The following ARHGAP6 variants were observed in gnomAD, a reference collection of about 807,000 sequenced individuals.
ARHGAP6 encodes the protein rho GTPase-activating protein 6.
In ARHGAP6, 16 loss-of-function variants were observed where a neutral mutation model predicts 55.7. The ratio of observed to expected loss-of-function variants is 0.29; its 90% CI spans 0.19 to 0.44. The LOEUF is 0.44. Among genes scored for constraint, ARHGAP6 ranks in the 20% least tolerant of loss-of-function variants. The probability of loss-of-function intolerance (pLI) is 1.00; values close to 1 mark genes in which losing one functional copy is unlikely to be tolerated. For missense variants in ARHGAP6, 698 were observed against 808.9 expected (o/e 0.86, Z 1.66); for synonymous variants, 382 against 360.9 (o/e 1.06, Z -0.66).
chrX:11,196,178 A>AACAAAACAAC (rs1396523247), intron 3 of ARHGAP6, among the ~76,000 whole-genome samples: 3 of 109,262 alleles, frequency 2.7e-5, no homozygotes, highest in Non-Finnish European at 3.8e-5. Context: ...AACAAAACAA[A>AACAAAACAAC]AAAACTAATA....
At chrX:11,469,558 C>T (rs1013936006) in intron 1 of ARHGAP6, among the ~76,000 whole-genome samples, 10 of 111,413 alleles carry the variant, frequency 9.0e-5, no homozygotes, top group Admixed American at 8.6e-4. Context: ...CAACTCTAAT[C>T]CACTAAAATA....
intron 1 of ARHGAP6, among the ~76,000 whole-genome samples, chrX:11,472,210 C>G (rs1360915071): frequency 9.0e-6 from 1 of 111,538 alleles, no homozygotes; most frequent in Non-Finnish European, 1.9e-5. Context: ...TCTCCACCCA[C>G]TAGATGCCGG....
At position 11,483,644 on chromosome X, in the gene ARHGAP6, G is replaced by GT. The variant is rs72479996; in HGVS notation, c.588+180596dup. ...TTCTAGCTCTGTGAGATAATCAAATGTTTTTTTTTTTTCTTTTCTTTTCAC... is the reference window on the plus strand; with the variant it reads ...TTCTAGCTCTGTGAGATAATCAAATGTTTTTTTTTTTTTCTTTTCTTTTCAC... On this transcript the variant is annotated intron_variant, in intron 1 of 12. Transcript: ENST00000337414. Among the ~76,000 whole-genome samples, 923 of 102,451 alleles carry GT rather than the reference G, an allele frequency of 9.0e-3. 2 individuals carry two copies. The highest frequency in any genetic ancestry group is 0.013 in the Non-Finnish European group (639 of 49,641). The allele number at this position is 102,451 out of a possible 115,157, so 89.0% of individuals were successfully genotyped here.
At chrX:11,269,627 A>G (rs1602992042) in intron 1 of ARHGAP6, among the ~76,000 whole-genome samples, 2 of 111,162 alleles carry the variant, frequency 1.8e-5, no homozygotes, top group African/African-American at 6.5e-5. Context: ...TTAAGACTAT[A>G]TATAAAAATG....
At chrX:11,608,740 T>A (rs2052065683) in intron 1 of ARHGAP6, among the ~76,000 whole-genome samples, 1 of 111,864 alleles carries the variant, frequency 8.9e-6, no homozygotes, top group Admixed American at 9.4e-5. Context: ...TCACAAGATC[T>A]GATGGTTTTA....
intron 1 of ARHGAP6, among the ~76,000 whole-genome samples, chrX:11,460,654 A>G (rs945174641): frequency 2.7e-5 from 3 of 112,102 alleles, no homozygotes; most frequent in African/African-American, 9.7e-5. Flanking sequence ...TAGCTTCCTC[A>G]GGCTGGAATT....
At chrX:11,249,403 T>C (rs2147475478) in intron 2 of ARHGAP6, among the ~76,000 whole-genome samples, 1 of 111,790 alleles carries the variant, frequency 8.9e-6, no homozygotes, top group African/African-American at 3.2e-5. Context: ...ATACCACCTG[T>C]TCCTAAAAAA....
chrX:11,515,776 T>C (rs1292154717), intron 1 of ARHGAP6, among the ~76,000 whole-genome samples: 2 of 112,304 alleles, frequency 1.8e-5, no homozygotes, highest in Non-Finnish European at 3.8e-5. Context: ...AGTAAACAAT[T>C]TGCACAAAAC....
rs530403919 is a variant in ARHGAP6 at position 11,188,025 on chromosome X, C to A, written c.1077+703G>T. On this transcript the variant is annotated intron_variant, in intron 4 of 12. Coordinates refer to ENST00000337414, the MANE Select transcript of ARHGAP6 (RefSeq NM_013427.3). Reference sequence around the variant, plus strand: ...CCAGCCTGGGCAACAGAGCAAGACCCTGAGTCAAAAAATAAAAGATAAAAA... The same window carrying A: ...CCAGCCTGGGCAACAGAGCAAGACCATGAGTCAAAAAATAAAAGATAAAAA... Among the ~76,000 whole-genome samples the A allele has an allele frequency of 2.7e-4, 30 of 111,075 alleles. 1 individual carries two copies. Among genetic ancestry groups the A allele is most frequent in the African/African-American group, 7.5e-4 (23 of 30,582 alleles).
At chrX:11,366,267 A>T (rs2049077103) in intron 1 of ARHGAP6, among the ~76,000 whole-genome samples, 1 of 112,362 alleles carries the variant, frequency 8.9e-6, no homozygotes, top group Non-Finnish European at 1.9e-5. Context: ...GTACTCATTA[A>T]CTGGCAACTA....
rs559391453 is a variant in ARHGAP6, at chrX:11,444,238, G to A, written c.589-189531C>T. 4.5e-5 allele frequency among the ~76,000 whole-genome samples: 5 copies of A among 112,262 alleles called. No individual in the cohort carries two copies. The Admixed American group carries it at 4.7e-4, about 11-fold the overall frequency. ...TATGTAAATGAAGGGGTGTGGTTGT[G>A]TCCCAATAAAACTTTATTTACCAAA... On this transcript the variant is annotated intron_variant, in intron 1 of 12. Coordinates refer to ENST00000337414, the MANE Select transcript of ARHGAP6 (RefSeq NM_013427.3).
At chrX:11,404,849 T>G (rs2049592148) in intron 1 of ARHGAP6, among the ~76,000 whole-genome samples, 1 of 112,203 alleles carries the variant, frequency 8.9e-6, no homozygotes, top group African/African-American at 3.2e-5. Context: ...CTAACTATCT[T>G]ATTGTAAGAG....
At chrX:11,201,989 C>CTGTGTGTGTG (rs56023548) in intron 2 of ARHGAP6, among the ~76,000 whole-genome samples, 6,216 of 65,419 alleles carry the variant, frequency 0.095, 702 homozygotes, top group Admixed American at 0.12. Context: ...GCATCTGGAT[C>CTGTGTGTGTG]TGTGTGTGTG....
rs151021706 is a variant in ARHGAP6 at position 11,145,912 on chromosome X, C to T, written c.1908-1664G>A. Among the ~76,000 whole-genome samples the T allele has an allele frequency of 1.9e-3, 210 of 112,246 alleles. 1 individual carries two copies. In the East Asian group the frequency reaches 0.046, roughly 25 times the overall value. ...AATCCCTCCAGGTGATTCTGATGCA[C>T]GGGGATGTTTGGGAACCTCTAATAA... On this transcript the variant is annotated intron_variant, in intron 10 of 12. Coordinates refer to ENST00000337414, the MANE Select transcript of ARHGAP6 (RefSeq NM_013427.3).
chrX:11,301,010 A>G (rs2048167812), intron 1 of ARHGAP6, among the ~76,000 whole-genome samples: 1 of 112,067 alleles, frequency 8.9e-6, no homozygotes, highest in Non-Finnish European at 1.9e-5. Context: ...AATATGTACA[A>G]TAACTAAAAC....
At chrX:11,536,823 C>T (rs902876075) in intron 1 of ARHGAP6, among the ~76,000 whole-genome samples, 13 of 112,197 alleles carry the variant, frequency 1.2e-4, no homozygotes, top group Non-Finnish European at 2.3e-4. Context: ...AAAAAGTACG[C>T]TTGAACTCTC....
intron 1 of ARHGAP6, among the ~76,000 whole-genome samples, chrX:11,582,268 GT>G (rs1429438776): frequency 9.0e-6 from 1 of 111,151 alleles, no homozygotes; most frequent in Non-Finnish European, 1.9e-5. Flanking sequence ...TGTCTTTGGA[GT>G]CCCCCTACAA....
intron 1 of ARHGAP6, among the ~76,000 whole-genome samples, chrX:11,328,347 A>T (rs2048522927): frequency 8.9e-6 from 1 of 111,862 alleles, no homozygotes; most frequent in Non-Finnish European, 1.9e-5. Flanking sequence ...TGAAGTCCAG[A>T]TGGGGGAGCC....
At chrX:11,594,509 C>G (rs766696428) in intron 1 of ARHGAP6, among the ~76,000 whole-genome samples, 12 of 111,489 alleles carry the variant, frequency 1.1e-4, no homozygotes, top group African/African-American at 3.9e-4. Context: ...TGTTAGGAAC[C>G]AGGCCTCACA....
Sources: allele counts gnomAD v4.1 joint callset (sites outside exome capture counted in the v4.1 genomes callset), GRCh38; gene constraint gnomAD v4.1.1; transcripts MANE v1.5; gene names NCBI Gene and HGNC (gene_info 2026-07-23, HGNC 2026-07-21).